The following CEP85L variants were observed in gnomAD, a reference collection of about 807,000 sequenced individuals.
The protein encoded by CEP85L is centrosomal protein 85L.
Under a neutral mutation model 100.3 loss-of-function variants are expected in CEP85L, and 60 were observed. The ratio of observed to expected loss-of-function variants is 0.60; its 90% confidence interval spans 0.49 to 0.74. The LOEUF is 0.74. Ranked by LOEUF, CEP85L falls within the 30% of genes least tolerant of loss-of-function variation. The probability of loss-of-function intolerance (pLI) is 0.00; values close to 1 mark genes in which losing one functional copy is unlikely to be tolerated. For synonymous variants in CEP85L, 319 were observed against 322.7 expected, an observed-to-expected ratio of 0.99 and a Z score of 0.12; for missense variants, 973 against 936.2, an observed-to-expected ratio of 1.04 and a Z score of -0.51.
intron 2 of CEP85L, among the ~76,000 whole-genome samples, chr6:118,627,998 G>A (rs937651731): frequency 2.0e-5 from 3 of 152,126 alleles, no homozygotes; most frequent in African/African-American, 7.2e-5. Flanking sequence ...CATCTGTGAA[G>A]TTACAACCCA....
chr6:118,589,031 G>A (rs1450874009), intron 2 of CEP85L: 2 of 263,228 alleles, frequency 7.6e-6, no homozygotes, highest in African/African-American at 2.3e-5. Context: ...GACCTCGCCA[G>A]GGCTGCTTCG....
Position 118,624,803 on chromosome 6 carries a change from C to T in CEP85L, c.232+7650G>A, listed in dbSNP as rs150697935. 4.6e-4 allele frequency among the ~76,000 whole-genome samples: 70 copies of T among 152,276 alleles called. No individual in the cohort carries two copies. In the East Asian group the frequency reaches 9.4e-3, roughly 21 times the overall value. On this transcript the variant is annotated intron_variant, in intron 2 of 12. Coordinates refer to ENST00000368491, the MANE Select transcript of CEP85L (RefSeq NM_001042475.3). ...ATGAGAGAGGTGTCCAGGATAAAGC[C>T]AAAAACAACATGTCCAACAAGTAAT...
At chr6:118,530,765 AAAG>A (rs1777244397) in intron 3 of CEP85L, among the ~76,000 whole-genome samples, 1 of 152,174 alleles carries the variant, frequency 6.6e-6, no homozygotes, top group Non-Finnish European at 1.5e-5. Context: ...TAGCCACAAA[AAAG>A]AATAAAATAC....
rs1772328668 is a variant in CEP85L, at chr6:118,463,397, T to C, written c.*2008A>G. ...TAGGAAGCCTTTATTTCTAAAATCATGGGGGAGGGTGGTTGGGATTCTATT... is the reference window on the plus strand; with the variant it reads ...TAGGAAGCCTTTATTTCTAAAATCACGGGGGAGGGTGGTTGGGATTCTATT... On this transcript the variant is annotated 3_prime_UTR_variant, in exon 13 of 13. Transcript: ENST00000368491. 4 of 152,098 alleles carry C rather than the reference T, an allele frequency of 2.6e-5. No individual in the cohort carries two copies. In the South Asian group the frequency reaches 6.2e-4, roughly 24 times the overall value. The allele number at this position is 152,098 out of a possible 1,614,324, so 9.4% of individuals were successfully genotyped here. A position where few individuals can be genotyped will look rare whatever the true frequency, so the allele number is the denominator to read the frequency against.
intron 1 of CEP85L, among the ~76,000 whole-genome samples, chr6:118,699,999 C>G (rs1421140774): frequency 6.6e-6 from 1 of 152,146 alleles, no homozygotes; most frequent in East Asian, 1.9e-4. Context: ...CCGGCCTCTA[C>G]TGCTATTATT....
chr6:118,543,329 T>C (rs981327951), intron 3 of CEP85L, among the ~76,000 whole-genome samples: 15 of 152,328 alleles, frequency 9.8e-5, no homozygotes, highest in Admixed American at 5.9e-4. Flanking sequence ...TTCTTTCAAC[T>C]TATCCTTTTT....
At chr6:118,517,241 C>T (rs570581568) in intron 4 of CEP85L, among the ~76,000 whole-genome samples, 1 of 152,210 alleles carries the variant, frequency 6.6e-6, no homozygotes, top group South Asian at 2.1e-4. Context: ...TTTTTGGTTC[C>T]ATATGAAATT....
At chr6:118,557,947 G>C (rs1016994680) in intron 3 of CEP85L, among the ~76,000 whole-genome samples, 2 of 150,720 alleles carry the variant, frequency 1.3e-5, no homozygotes, top group Non-Finnish European at 3.0e-5. Flanking sequence ...CCAAATACTG[G>C]GTAATTATCT....
intron 3 of CEP85L, among the ~76,000 whole-genome samples, chr6:118,557,646 G>A (rs1778956267): frequency 6.6e-6 from 1 of 152,098 alleles, no homozygotes; most frequent in Non-Finnish European, 1.5e-5. Context: ...CTCCCTCCTT[G>A]AGCTGCTGGG....
At chr6:118,614,238 A>G (rs973145786) in intron 2 of CEP85L, among the ~76,000 whole-genome samples, 1 of 152,244 alleles carries the variant, frequency 6.6e-6, no homozygotes, top group African/African-American at 2.4e-5. Flanking sequence ...GATAAATGGT[A>G]TCTACAAAAA....
chr6:118,461,534 C>T lies in CEP85L; in HGVS notation c.*3871G>A, dbSNP rs1772232302. On this transcript the variant is annotated 3_prime_UTR_variant, in exon 13 of 13. Coordinates refer to ENST00000368491, the MANE Select transcript of CEP85L (RefSeq NM_001042475.3). ...TGCAGGCAAAAAGGCACAAAAGGTT[C>T]TCTCTGTGTACAGCTGCAATAGTGT... 6.6e-6 allele frequency: 1 copy of T among 151,984 alleles called. No individual in the cohort carries two copies. The highest frequency in any genetic ancestry group is 1.5e-5 in the Non-Finnish European group (1 of 67,940). 9.4% of individuals were successfully genotyped at this position (151,984 alleles called of 1,614,324 possible).
In CEP85L at chr6:118,569,341, CAAAAAAAAAAAAAAA is replaced by C. The variant is rs56123225; in HGVS notation, c.233-3040_233-3026del. On this transcript the variant is annotated intron_variant, in intron 2 of 12. Transcript: ENST00000368491. ...TGGGTGACAAGGCTAGACTCTGTCT[CAAAAAAAAAAAAAAA>C]AAAAAAAAAAAAGGAGTAAAATATA... is the stretch of plus-strand genomic sequence containing the variant. Among the ~76,000 whole-genome samples the C allele has an allele frequency of 3.8e-4, 26 of 68,198 alleles. 1 individual carries two copies. Among genetic ancestry groups the C allele is most frequent in the Admixed American group, 1.8e-3 (7 of 3,996 alleles). The allele number at this position is 68,198 out of a possible 152,430, so 44.7% of individuals were successfully genotyped here.
chr6:118,660,971 G>T (rs1051489057), intron 1 of CEP85L, among the ~76,000 whole-genome samples: 1 of 150,898 alleles, frequency 6.6e-6, no homozygotes, highest in South Asian at 2.1e-4. Context: ...CTGCAATCTC[G>T]GCCTCCTGGG....
intron 2 of CEP85L, among the ~76,000 whole-genome samples, chr6:118,591,859 T>C (rs962375095): frequency 2.0e-5 from 3 of 152,218 alleles, no homozygotes; most frequent in Admixed American, 6.5e-5. Context: ...ACATTATACA[T>C]CATGTTTAAG....
chr6:118,545,712 A>T lies in CEP85L; in HGVS notation c.1020+19817T>A, dbSNP rs147679667. ...AAACTGAATACTAAATTTCATTTAG[A>T]GCTTAGTAAAAATAAATTTGTAATT... On this transcript the variant is annotated intron_variant, in intron 3 of 12. Transcript: ENST00000368491. Among the ~76,000 whole-genome samples the T allele has an allele frequency of 4.3e-3, 662 of 152,336 alleles. 8 individuals carry two copies. Among genetic ancestry groups the T allele is most frequent in the African/African-American group, 0.015 (641 of 41,578 alleles).
intron 11 of CEP85L, 141 bp from the exon 12 acceptor site, chr6:118,469,444 A>G: frequency 4.8e-6 from 3 of 621,092 alleles, no homozygotes; most frequent in South Asian, 4.0e-5. Context: ...ATTCAACTAC[A>G]TATATGCAGT....
intron 2 of CEP85L, among the ~76,000 whole-genome samples, chr6:118,587,021 T>C (rs1035611412): frequency 8.5e-5 from 13 of 152,344 alleles, no homozygotes; most frequent in Middle Eastern, 3.4e-3. Context: ...GAACTCTTTA[T>C]TGGACTTAGT....
At position 118,501,848 on chromosome 6, in the gene CEP85L, G is replaced by A. The variant is rs143562124; in HGVS notation, c.1257+9450C>T. 6.7e-4 allele frequency: 877 copies of A among 1,299,330 alleles called. 2 individuals are homozygous for A. The highest frequency in any genetic ancestry group is 1.1e-3 in the South Asian group (89 of 81,296). 80.5% of individuals were successfully genotyped at this position (1,299,330 alleles called of 1,614,324 possible). On this transcript the variant is annotated intron_variant, in intron 5 of 12. Coordinates refer to ENST00000368491, the MANE Select transcript of CEP85L (RefSeq NM_001042475.3). ...AGAGAGAGAGGACTCTGGAGATGCC[G>A]AAGCACAAGCCTTCAAGAGTCCCAG...
chr6:118,633,684 A>C (rs1367413527), intron 1 of CEP85L, among the ~76,000 whole-genome samples: 1 of 152,212 alleles, frequency 6.6e-6, no homozygotes, highest in Admixed American at 6.5e-5. Context: ...ACCAGTGCCA[A>C]TCTGTACTAT....
Sources: gnomAD v4.1 joint callset for allele counts (sites outside exome capture counted in the v4.1 genomes callset) on GRCh38, gnomAD v4.1.1 for gene constraint, MANE v1.5 for transcripts, NCBI Gene and HGNC (gene_info 2026-07-23, HGNC 2026-07-21) for gene names.